PBX1: variants seen among roughly 807,000 people sequenced by gnomAD.
PBX1 encodes PBX homeobox 1.
In PBX1, 6 loss-of-function variants were observed where a neutral mutation model predicts 53.4. That is an observed-to-expected ratio of 0.11 (90% CI 0.06 to 0.22). The LOEUF (loss-of-function observed/expected upper bound fraction) is 0.22. Among genes scored for constraint, PBX1 ranks in the 10% least tolerant of loss-of-function variants. The probability of loss-of-function intolerance (pLI) is 1.00; values close to 1 mark genes in which losing one functional copy is unlikely to be tolerated. For synonymous variants in PBX1, 204 were observed against 212.3 expected (o/e 0.96, Z 0.34); for missense variants, 251 against 551.4 (o/e 0.46, Z 5.46).
chr1:164,794,540 A>G (rs1213675374), intron 3 of PBX1, among the ~76,000 whole-genome samples: 2 of 152,166 alleles, frequency 1.3e-5, no homozygotes, highest in African/African-American at 4.8e-5. Flanking sequence ...TTGGGAAAGA[A>G]CAAATGTTCT....
rs980936068 is a variant in PBX1, at chr1:164,631,753, G to A, written c.265+68442G>A. ...AGCAATTAATGTGCATATGAAATCC[G>A]TAAGATAAATCAGCTATTGTAGCAC... On this transcript the variant is annotated intron_variant, in intron 2 of 8. Transcript: ENST00000420696. Among the ~76,000 whole-genome samples, 8 of 152,194 alleles carry A rather than the reference G, an allele frequency of 5.3e-5. No homozygotes were observed. The South Asian group carries it at 1.0e-3, about 20-fold the overall frequency.
intron 2 of PBX1, among the ~76,000 whole-genome samples, chr1:164,567,280 A>G (rs901172353): frequency 7.9e-5 from 12 of 152,210 alleles, no homozygotes; most frequent in Non-Finnish European, 1.8e-4. Flanking sequence ...GGCCTTGAGC[A>G]AAATAGGAGT....
At chr1:164,649,135 C>G (rs533603583) in intron 2 of PBX1, among the ~76,000 whole-genome samples, 67 of 152,184 alleles carry the variant, frequency 4.4e-4, no homozygotes, top group Non-Finnish European at 9.1e-4. Context: ...CTAGTTAGGT[C>G]CTCTCCCACC....
chr1:164,632,978 A>G (rs918149085), intron 2 of PBX1, among the ~76,000 whole-genome samples: 1 of 152,188 alleles, frequency 6.6e-6, no homozygotes, highest in African/African-American at 2.4e-5. Flanking sequence ...TATAGATAAG[A>G]AAACCTAGAG....
At position 164,851,664 on chromosome 1, in the gene PBX1, G is replaced by A. The variant is rs1435617372; in HGVS notation, c.*4988G>A. The A allele has an allele frequency of 5.5e-6, 1 of 183,434 alleles. No homozygotes were observed. The highest frequency in any genetic ancestry group is 6.3e-5 in the Admixed American group (1 of 15,958). The allele number at this position is 183,434 out of a possible 1,614,324, so 11.4% of individuals were successfully genotyped here. ...GCTCTGCTCTGTTTTGGTTTTGAAA[G>A]TTTAAGCTTTTCTGCTTCTGTGAGA... On this transcript the variant is annotated 3_prime_UTR_variant, in exon 9 of 9. Coordinates refer to ENST00000420696, the MANE Select transcript of PBX1 (RefSeq NM_002585.4).
intron 2 of PBX1, among the ~76,000 whole-genome samples, chr1:164,602,474 G>C (rs112114845): frequency 2.6e-5 from 4 of 152,096 alleles, no homozygotes; most frequent in African/African-American, 9.7e-5. Context: ...TAAATTGCTT[G>C]AACAAGGGTT....
intron 2 of PBX1, among the ~76,000 whole-genome samples, chr1:164,611,276 C>A (rs1004535961): frequency 6.6e-6 from 1 of 152,136 alleles, no homozygotes; most frequent in Non-Finnish European, 1.5e-5. Flanking sequence ...CTTACTCTGT[C>A]GCCCAGGCTA....
chr1:164,611,860 G>A lies in PBX1; in HGVS notation c.265+48549G>A, dbSNP rs192299694. 3.9e-5 allele frequency among the ~76,000 whole-genome samples: 6 copies of A among 152,128 alleles called. No homozygotes were observed. In the East Asian group the frequency reaches 7.8e-4, roughly 20 times the overall value. ...GCCTGGCCTCCCACTAACATTTCTCGCATCTCACTTTACCTCCAGCAAGAG... is the reference window on the plus strand; with the variant it reads ...GCCTGGCCTCCCACTAACATTTCTCACATCTCACTTTACCTCCAGCAAGAG... On this transcript the variant is annotated intron_variant, in intron 2 of 8. Coordinates refer to ENST00000420696, the MANE Select transcript of PBX1 (RefSeq NM_002585.4).
chr1:164,800,750 T>A lies in PBX1; in HGVS notation c.701+861T>A, dbSNP rs189427066. 1.9e-3 allele frequency among the ~76,000 whole-genome samples: 282 copies of A among 152,354 alleles called. 1 individual carries two copies. The highest frequency in any genetic ancestry group is 4.7e-3 in the African/African-American group (194 of 41,582). On this transcript the variant is annotated intron_variant, in intron 4 of 8. Coordinates refer to ENST00000420696, the MANE Select transcript of PBX1 (RefSeq NM_002585.4). ...TTTTGATTATGGGTATGCTTTGTGA[T>A]CTAGAGTTTGTCTTAAATTCATCAT...
At chr1:164,752,049 A>AGGTAC (rs11280844) in intron 2 of PBX1, among the ~76,000 whole-genome samples, 13,380 of 152,076 alleles carry the variant, frequency 0.088, 898 homozygotes, top group South Asian at 0.18. Flanking sequence ...TGCTTCTAAA[A>AGGTAC]ACTGGCTGTC....
At chr1:164,817,118 C>T (rs1196166305) in intron 6 of PBX1, 1 of 152,170 alleles carries the variant, frequency 6.6e-6, no homozygotes. Flanking sequence ...AAATTCAGAA[C>T]CTTTTAACTG....
chr1:164,736,303 C>T (rs370649032), intron 2 of PBX1, among the ~76,000 whole-genome samples: 26 of 152,062 alleles, frequency 1.7e-4, no homozygotes, highest in African/African-American at 5.3e-4. Flanking sequence ...TGAGTGTGTC[C>T]GCTGGCCCTG....
At chr1:164,722,388 A>G (rs1664460537) in intron 2 of PBX1, among the ~76,000 whole-genome samples, 1 of 152,186 alleles carries the variant, frequency 6.6e-6, no homozygotes, top group Non-Finnish European at 1.5e-5. Flanking sequence ...ATCGATTTGA[A>G]ATCCCACAAG....
intron 2 of PBX1, among the ~76,000 whole-genome samples, chr1:164,595,987 G>C (rs1280648884): frequency 6.6e-6 from 1 of 152,076 alleles, no homozygotes; most frequent in African/African-American, 2.4e-5. Flanking sequence ...CTCAGTAAAA[G>C]AAAGTCTGTT....
chr1:164,876,700 A>G (rs772724206), intron 2 of PBX1, among the ~76,000 whole-genome samples: 8 of 152,124 alleles, frequency 5.3e-5, no homozygotes, highest in Non-Finnish European at 8.8e-5. Context: ...TTTCTGTGGA[A>G]AAGCAGAAGG....
At chr1:164,582,582 C>T (rs1248559930) in intron 2 of PBX1, among the ~76,000 whole-genome samples, 1 of 152,020 alleles carries the variant, frequency 6.6e-6, no homozygotes, top group African/African-American at 2.4e-5. Flanking sequence ...GCCACCACAC[C>T]CAGCTAATTT....
At chr1:164,789,363 C>A (rs1246747171) in intron 2 of PBX1, among the ~76,000 whole-genome samples, 3 of 152,170 alleles carry the variant, frequency 2.0e-5, no homozygotes, top group Non-Finnish European at 4.4e-5. Context: ...AGGAAATATT[C>A]TCAGAGGTTA....
At chr1:164,667,364 A>G (rs537614743) in intron 2 of PBX1, among the ~76,000 whole-genome samples, 3 of 150,716 alleles carry the variant, frequency 2.0e-5, no homozygotes, top group African/African-American at 7.3e-5. Context: ...AATATAATCT[A>G]TATAATATAA....
At chr1:164,647,133 T>A (rs1659502363) in intron 2 of PBX1, among the ~76,000 whole-genome samples, 1 of 152,218 alleles carries the variant, frequency 6.6e-6, no homozygotes, top group Admixed American at 6.5e-5. Flanking sequence ...TGAAACCCAG[T>A]GGTGCAGAGA....
Sources: gnomAD v4.1 joint callset for allele counts (sites outside exome capture counted in the v4.1 genomes callset) on GRCh38, gnomAD v4.1.1 for gene constraint, MANE v1.5 for transcripts, NCBI Gene and HGNC (gene_info 2026-07-23, HGNC 2026-07-21) for gene names.